Variants in DNMT1 observed in about 807,000 individuals in gnomAD.
The protein encoded by DNMT1 is DNA methyltransferase 1, also known as DNA (cytosine-5)-methyltransferase 1.
DNMT1 carries 24 observed loss-of-function variants against 205.3 expected under a neutral mutation model. The observed-to-expected ratio is 0.12, with a 90% confidence interval of 0.08 to 0.16. The LOEUF is 0.16. Ranked by LOEUF, DNMT1 falls within the 10% of genes least tolerant of loss-of-function variation. DNMT1 has a pLI of 1.00. For missense variants in DNMT1, 1,293 were observed against 2,177.7 expected (o/e 0.59, Z 8.09); for synonymous variants, 817 against 839.8 (o/e 0.97, Z 0.47).
intron 27 of DNMT1, among the ~76,000 whole-genome samples, chr19:10,147,103 T>G (rs1349876450): frequency 1.3e-5 from 2 of 150,270 alleles, no homozygotes; most frequent in Non-Finnish European, 3.0e-5. Context: ...TACAAAAAAT[T>G]TTTAAAACAT....
rs1300001842 is a variant in DNMT1, at chr19:10,182,052, A to G, written c.106T>C (p.Leu36=). 1.2e-6 allele frequency: 2 copies of G among 1,613,450 alleles called. No individual in the cohort carries two copies. The highest frequency in any genetic ancestry group is 2.7e-5 in the African/African-American group (2 of 74,920). ...RRLKDLERDS[L]TEKECVKEKL... ...AAGGTGGAGATTACCTTTTCTGTTA[A>G]GCTGTCTCTTTCCAAATCTTTGAGC... The change falls in exon 2 of 41, where the codon TTA becomes CTA. Residue 36 remains leucine, a synonymous_variant. Coordinates refer to ENST00000359526, the MANE Select transcript of DNMT1 (RefSeq NM_001130823.3).
In DNMT1 at chr19:10,194,916, G is replaced by A. The variant is rs748174887; in HGVS notation, c.-17C>T. On this transcript the variant is annotated 5_prime_UTR_variant, in exon 1 of 41. Coordinates refer to ENST00000359526, the MANE Select transcript of DNMT1 (RefSeq NM_001130823.3). ...CGCCGGCATCTCGGAGGCTTCAGCA[G>A]ACGCGGCGGCGGCAGCGCAGGCGCC... 5 of 1,600,746 alleles carry A rather than the reference G, an allele frequency of 3.1e-6. No homozygotes were observed.
intron 1 of DNMT1, among the ~76,000 whole-genome samples, chr19:10,182,524 T>C (rs1488348066): frequency 4.1e-5 from 6 of 145,656 alleles, no homozygotes; most frequent in Non-Finnish European, 7.5e-5. Flanking sequence ...CATATATATG[T>C]GTATATGTGT....
rs772721253 is a variant in DNMT1, at chr19:10,180,308, T to C, written c.445+42A>G. 3 of 1,599,748 alleles carry C rather than the reference T, an allele frequency of 1.9e-6. No individual in the cohort carries two copies. In the South Asian group the frequency reaches 3.3e-5, roughly 18 times the overall value. Reference sequence around the variant, plus strand: ...GACTGGGCAACACAGTGAGACTCCATCTCAAAAACAATTAAAAATAAAAGG... The same window carrying C: ...GACTGGGCAACACAGTGAGACTCCACCTCAAAAACAATTAAAAATAAAAGG... On this transcript the variant is annotated intron_variant, in intron 4 of 40. Transcript: ENST00000359526.
At position 10,156,572 on chromosome 19, in the gene DNMT1, T is replaced by A; in HGVS notation, c.1281-63A>T. 8.2e-7 allele frequency: 1 copy of A among 1,216,844 alleles called. No homozygotes were observed. The highest frequency in any genetic ancestry group is 1.2e-6 in the Non-Finnish European group (1 of 819,548). 75.4% of individuals were successfully genotyped at this position (1,216,844 alleles called of 1,614,324 possible). On this transcript the variant is annotated intron_variant, in intron 17 of 40. Transcript: ENST00000359526. The surrounding 1 kb of genome is among the most constrained non-coding windows in gnomAD (Gnocchi z 4.2). ...CGTGAAGGCGGGTCTTCGTGCAGAC[T>A]TCAGATCAGGCACGAGGCAATGAGA...
intron 17 of DNMT1, among the ~76,000 whole-genome samples, chr19:10,157,459 AAGAC>A (rs926823511): frequency 2.6e-5 from 4 of 152,208 alleles, no homozygotes; most frequent in Non-Finnish European, 5.9e-5. Flanking sequence ...TTCTTTAGTG[AAGAC>A]AGAGAGGCAA....
chr19:10,155,603 A>C (rs916398994), intron 19 of DNMT1, among the ~76,000 whole-genome samples: 2 of 152,194 alleles, frequency 1.3e-5, no homozygotes, highest in South Asian at 2.1e-4. Flanking sequence ...TCGGCCTCCC[A>C]AAGTGCTGGG....
chr19:10,143,360 C>T (rs1174653684), intron 29 of DNMT1, among the ~76,000 whole-genome samples: 1 of 148,802 alleles, frequency 6.7e-6, no homozygotes, highest in Non-Finnish European at 1.5e-5. Context: ...GGATTACAGG[C>T]GTGTGCCACC....
intron 14 of DNMT1, 133 bp downstream of exon 14, chr19:10,160,251 C>G (rs1315132054): frequency 1.3e-6 from 2 of 1,524,400 alleles, no homozygotes; most frequent in East Asian, 4.7e-5. Context: ...CACCTTGGTC[C>G]TATGTTCACC....
chr19:10,144,741 G>T (rs756349104), intron 28 of DNMT1: 1 of 152,324 alleles, frequency 6.6e-6, no homozygotes, highest in Admixed American at 6.5e-5. Flanking sequence ...GCGAGACAGC[G>T]GCTACCGTGG....
At chr19:10,166,373 CAG>C (rs1442130685) in intron 11 of DNMT1, among the ~76,000 whole-genome samples, 2 of 152,130 alleles carry the variant, frequency 1.3e-5, no homozygotes, top group East Asian at 1.9e-4. Flanking sequence ...GTGTGAAAGA[CAG>C]AGGACAACTG....
chr19:10,155,562 C>T (rs975003250), intron 19 of DNMT1, among the ~76,000 whole-genome samples: 1 of 151,996 alleles, frequency 6.6e-6, no homozygotes, highest in Non-Finnish European at 1.5e-5. Flanking sequence ...AGGCTGGTCT[C>T]GAATTCCTGG....
Position 10,154,426 on chromosome 19 carries a change from C to G in DNMT1, c.1886G>C (p.Arg629Thr). ...GGTGGTGGTGGCTTTCGTGGGTCCC[C>G]TGTCCTTCTCCCTGGTAGAATGCCT... ...TIRHSTREKD[R>T]GPTKATTTKL... The change falls in exon 22 of 41, where the codon AGG (arginine) becomes ACG (threonine). Residue 629 changes from arginine (R) to threonine (T), a missense_variant. Arg to Thr is a moderately conservative substitution (Grantham distance 71). Coordinates refer to ENST00000359526, the MANE Select transcript of DNMT1 (RefSeq NM_001130823.3). This position sits in a 1 kb window ranked among gnomAD's most constrained non-coding sequence, Gnocchi z 6.3. 1 of 1,614,244 alleles carries G rather than the reference C, an allele frequency of 6.2e-7. No individual in the cohort carries two copies.
chr19:10,174,980 G>A (rs1260768007), intron 7 of DNMT1, among the ~76,000 whole-genome samples: 10 of 151,150 alleles, frequency 6.6e-5, no homozygotes, highest in Non-Finnish European at 1.2e-4. Flanking sequence ...ACTTGAACCC[G>A]GGAGGCTGAG....
chr19:10,162,802 C>G, intron 12 of DNMT1, 54 bp from the exon 13 acceptor site: 8 of 1,584,088 alleles, frequency 5.1e-6, no homozygotes, highest in Non-Finnish European at 6.9e-6. Context: ...CTAACCACAT[C>G]GCCAACTCGC....
intron 17 of DNMT1, among the ~76,000 whole-genome samples, chr19:10,158,327 T>C (rs1400421873): frequency 2.0e-5 from 3 of 151,498 alleles, no homozygotes; most frequent in African/African-American, 7.3e-5. Flanking sequence ...AGCATCTTGA[T>C]CTAGATAGAA....
At chr19:10,139,626 G>A (rs955485669) in intron 34 of DNMT1, 50 bp downstream of exon 34, 16 of 1,595,492 alleles carry the variant, frequency 1.0e-5, no homozygotes, top group African/African-American at 6.7e-5. Flanking sequence ...GCTGCTGGCC[G>A]GGTCACGTGC....
chr19:10,171,023 G>A (rs1038591645), intron 9 of DNMT1, among the ~76,000 whole-genome samples: 1 of 151,948 alleles, frequency 6.6e-6, no homozygotes, highest in Non-Finnish European at 1.5e-5. Flanking sequence ...GCCCAGGCTG[G>A]CCCTGAACTC....
chr19:10,153,759 G>A (rs2038398461), intron 22 of DNMT1, among the ~76,000 whole-genome samples: 3 of 151,928 alleles, frequency 2.0e-5, no homozygotes, highest in African/African-American at 7.3e-5. Context: ...CTCCTGTTAA[G>A]AGATGCCAGC....
Sources: allele counts gnomAD v4.1 joint callset (sites outside exome capture counted in the v4.1 genomes callset), GRCh38; gene constraint gnomAD v4.1.1; non-coding constraint Gnocchi (gnomAD v3.1); transcripts MANE v1.5; gene names NCBI Gene and HGNC (gene_info 2026-07-23, HGNC 2026-07-21).